The following NSMCE2 variants were observed in gnomAD, a reference collection of about 807,000 sequenced individuals.
NSMCE2 encodes E3 SUMO-protein ligase NSE2.
NSMCE2 carries 24 observed loss-of-function variants against 23.8 expected under a neutral mutation model. The observed-to-expected ratio is 1.01, with a 90% CI of 0.73 to 1.42. The LOEUF is 1.42. NSMCE2 is among the 40% of genes most tolerant of loss of function. The pLI is 0.00. For synonymous variants in NSMCE2, 92 were observed against 94.1 expected (o/e 0.98, Z 0.13); for missense variants, 284 against 296.5 (o/e 0.96, Z 0.31).
At chr8:125,168,664 G>A (rs545341169) in intron 4 of NSMCE2, among the ~76,000 whole-genome samples, 2 of 152,198 alleles carry the variant, frequency 1.3e-5, no homozygotes, top group South Asian at 4.1e-4. Context: ...TGAGGGCTTT[G>A]CCCTCGTGCT....
chr8:125,302,567 A>G lies in NSMCE2; in HGVS notation c.419-54652A>G, dbSNP rs146704027. On this transcript the variant is annotated intron_variant, in intron 5 of 7. Transcript: ENST00000287437. ...AGAAGAATGATAACTACTGCTGATTATTGAGCTTATAGAAGATAGCTGGCA... is the reference window on the plus strand; with the variant it reads ...AGAAGAATGATAACTACTGCTGATTGTTGAGCTTATAGAAGATAGCTGGCA... Among the ~76,000 whole-genome samples, 347 of 152,312 alleles carry G rather than the reference A, an allele frequency of 2.3e-3. 2 individuals carry two copies. The highest frequency in any genetic ancestry group is 7.6e-3 in the African/African-American group (316 of 41,564).
At position 125,261,901 on chromosome 8, in the gene NSMCE2, G is replaced by A. The variant is rs563175274; in HGVS notation, c.418+79645G>A. Among the ~76,000 whole-genome samples the A allele has an allele frequency of 1.5e-3, 232 of 151,604 alleles. 1 individual carries two copies. The highest frequency in any genetic ancestry group is 1.4e-3 in the Non-Finnish European group (98 of 67,914). On this transcript the variant is annotated intron_variant, in intron 5 of 7. Transcript: ENST00000287437. The stretch of plus-strand genomic sequence containing the variant: ...CACCTGAGGTCAGGAGTTCAAGACC[G>A]TCCTCGCCAACACAGCAAAACCCTA...
chr8:125,124,183 A>C (rs1322913282), intron 3 of NSMCE2: 1 of 152,176 alleles, frequency 6.6e-6, no homozygotes, highest in East Asian at 1.9e-4. Context: ...TTCTTAGCAT[A>C]AGGTTTTCAA....
At chr8:125,352,061 G>A (rs1468396035) in intron 5 of NSMCE2, among the ~76,000 whole-genome samples, 2 of 152,078 alleles carry the variant, frequency 1.3e-5, no homozygotes, top group Admixed American at 6.6e-5. Flanking sequence ...CTACACAATA[G>A]GAATAACAAT....
At chr8:125,279,611 G>C (rs1827616256) in intron 5 of NSMCE2, among the ~76,000 whole-genome samples, 2 of 152,170 alleles carry the variant, frequency 1.3e-5, no homozygotes, top group Non-Finnish European at 2.9e-5. Flanking sequence ...AGATAGAAAT[G>C]CATTAAGATA....
chr8:125,273,320 A>G (rs545201542), intron 5 of NSMCE2, among the ~76,000 whole-genome samples: 4 of 152,364 alleles, frequency 2.6e-5, no homozygotes, highest in African/African-American at 9.6e-5. Context: ...CCAAAACATT[A>G]TAGTCATGTT....
chr8:125,186,800 G>A (rs1011091342), intron 5 of NSMCE2, among the ~76,000 whole-genome samples: 3 of 152,132 alleles, frequency 2.0e-5, no homozygotes, highest in African/African-American at 2.4e-5. Flanking sequence ...CAGTACAGAT[G>A]TCTAGTATTT....
At chr8:125,296,641 C>T (rs1389615031) in intron 5 of NSMCE2, among the ~76,000 whole-genome samples, 2 of 152,044 alleles carry the variant, frequency 1.3e-5, no homozygotes, top group Non-Finnish European at 2.9e-5. Flanking sequence ...AGTGATCCAC[C>T]CACCTTGGCC....
rs7018048 is a variant in NSMCE2, at chr8:125,093,479, G to A, written c.-111+1521G>A. ...CAAGGCGGGCGGATCACTTGAGGTCGGGTGTTTGAGACCAGCCTGGTCAAC... is the reference window on the plus strand; with the variant it reads ...CAAGGCGGGCGGATCACTTGAGGTCAGGTGTTTGAGACCAGCCTGGTCAAC... On this transcript the variant is annotated intron_variant, in intron 1 of 7. Transcript: ENST00000287437. 7.7e-3 allele frequency among the ~76,000 whole-genome samples: 1,168 copies of A among 152,078 alleles called. 24 individuals are homozygous for A. Among genetic ancestry groups the A allele is most frequent in the African/African-American group, 0.027 (1,119 of 41,492 alleles).
chr8:125,217,705 G>A (rs1330877733), intron 5 of NSMCE2, among the ~76,000 whole-genome samples: 1 of 152,054 alleles, frequency 6.6e-6, no homozygotes, highest in Non-Finnish European at 1.5e-5. Flanking sequence ...TCTTCGATTA[G>A]GCTGGTTTGT....
chr8:125,265,125 T>A (rs1826857483), intron 5 of NSMCE2, among the ~76,000 whole-genome samples: 1 of 151,250 alleles, frequency 6.6e-6, no homozygotes, highest in Admixed American at 6.7e-5. Context: ...AAGTGAATTA[T>A]GCCAGCTGCA....
chr8:125,300,723 A>G (rs2131196331), intron 5 of NSMCE2, among the ~76,000 whole-genome samples: 1 of 152,326 alleles, frequency 6.6e-6, no homozygotes, highest in Non-Finnish European at 1.5e-5. Flanking sequence ...TGGAGGAGGT[A>G]CAAGGTGCTT....
At chr8:125,127,783 T>G (rs1320376755) in intron 3 of NSMCE2, among the ~76,000 whole-genome samples, 1 of 152,212 alleles carries the variant, frequency 6.6e-6, no homozygotes, top group East Asian at 1.9e-4. Flanking sequence ...AGATTTCAGA[T>G]TTTGGAATAT....
intron 4 of NSMCE2, among the ~76,000 whole-genome samples, chr8:125,160,238 A>G (rs1042192422): frequency 6.6e-6 from 1 of 152,224 alleles, no homozygotes; most frequent in Non-Finnish European, 1.5e-5. Context: ...TGAAAGTGAT[A>G]GCATGAAAGC....
rs368864859 is a variant in NSMCE2, at chr8:125,121,512, C to T, written c.157+19025C>T. Among the ~76,000 whole-genome samples, 34 of 152,210 alleles carry T rather than the reference C, an allele frequency of 2.2e-4. No homozygotes were observed. In the South Asian group the frequency reaches 6.6e-3, roughly 30 times the overall value. On this transcript the variant is annotated intron_variant, in intron 3 of 7. Coordinates refer to ENST00000287437, the MANE Select transcript of NSMCE2 (RefSeq NM_173685.4). ...GTTAGCAGATAAGGCAAATAGGTAT[C>T]CATGCAAAGATCAGGAGAACTACAT...
chr8:125,186,914 G>C (rs1455655899), intron 5 of NSMCE2, among the ~76,000 whole-genome samples: 1 of 152,120 alleles, frequency 6.6e-6, no homozygotes, highest in Non-Finnish European at 1.5e-5. Flanking sequence ...TTTCCCAATA[G>C]TTATGTCTTA....
chr8:125,260,447 T>G (rs181033820), intron 5 of NSMCE2, among the ~76,000 whole-genome samples: 2 of 151,722 alleles, frequency 1.3e-5, no homozygotes, highest in East Asian at 3.9e-4. Flanking sequence ...TACTTTCGTG[T>G]GTGGTAGTTG....
chr8:125,315,961 T>G (rs924086665), intron 5 of NSMCE2, among the ~76,000 whole-genome samples: 3 of 152,130 alleles, frequency 2.0e-5, no homozygotes, highest in African/African-American at 7.2e-5. Context: ...CACCACCACA[T>G]CCAGCTAATG....
At chr8:125,360,108 G>T (rs1248356606) in intron 7 of NSMCE2, among the ~76,000 whole-genome samples, 1 of 152,108 alleles carries the variant, frequency 6.6e-6, no homozygotes, top group Non-Finnish European at 1.5e-5. Context: ...TTCTCATCTG[G>T]GTGTCTAATA....
Sources: gnomAD v4.1 joint callset for allele counts (sites outside exome capture counted in the v4.1 genomes callset) on GRCh38, gnomAD v4.1.1 for gene constraint, MANE v1.5 for transcripts, NCBI Gene and HGNC (gene_info 2026-07-23, HGNC 2026-07-21) for gene names.